NCAPD3: variants seen among roughly 807,000 people sequenced by gnomAD.
The protein encoded by NCAPD3 is non-SMC condensin II complex subunit D3.
A neutral mutation model predicts 182.9 loss-of-function variants in NCAPD3; 105 were observed. That is an observed-to-expected ratio of 0.57 (90% confidence interval 0.49 to 0.68). NCAPD3 has a LOEUF of 0.68. NCAPD3 is among the 30% of genes least tolerant of loss of function. NCAPD3 has a pLI of 0.00. For synonymous variants in NCAPD3, 815 were observed against 679.9 expected (o/e 1.20, Z -3.09); for missense variants, 1,944 against 1,837.0 (o/e 1.06, Z -1.07).
At chr11:134,164,759 CAT>C (rs1418385307) in intron 27 of NCAPD3, among the ~76,000 whole-genome samples, 6 of 148,594 alleles carry the variant, frequency 4.0e-5, no homozygotes, top group South Asian at 2.2e-4. Context: ...TCACTTGTGA[CAT>C]GAGCTTGGGG....
intron 28 of NCAPD3, among the ~76,000 whole-genome samples, chr11:134,161,282 G>C (rs533745357): frequency 6.6e-6 from 1 of 152,168 alleles, no homozygotes; most frequent in Non-Finnish European, 1.5e-5. Context: ...CACATCCTGG[G>C]TTTGCTCCGA....
At chr11:134,154,670 C>G (rs1268695975) in intron 32 of NCAPD3, among the ~76,000 whole-genome samples, 2 of 152,084 alleles carry the variant, frequency 1.3e-5, no homozygotes, top group Non-Finnish European at 2.9e-5. Flanking sequence ...CCAGCACACT[C>G]CCGGGAACAG....
At chr11:134,165,888 T>C (rs1943771693) in intron 27 of NCAPD3, among the ~76,000 whole-genome samples, 1 of 114,870 alleles carries the variant, frequency 8.7e-6, no homozygotes, top group African/African-American at 3.5e-5. Flanking sequence ...TGAGATGAGC[T>C]TGGGGGAGGG....
At chr11:134,155,280 GAC>G (rs1943388937) in intron 32 of NCAPD3, among the ~76,000 whole-genome samples, 1 of 152,128 alleles carries the variant, frequency 6.6e-6, no homozygotes. Context: ...GACACTTCCT[GAC>G]AGTCTCCCCC....
chr11:134,159,835 T>A (rs1943527487), intron 29 of NCAPD3, 57 bp downstream of exon 29: 3 of 1,536,284 alleles, frequency 2.0e-6, no homozygotes, highest in South Asian at 2.4e-5. Context: ...AACGACAGAC[T>A]GGTAGCAGAC....
rs563574567 is a variant in NCAPD3, at chr11:134,150,347, A to T, written c.*2597T>A. 1 of 152,108 alleles carries T rather than the reference A, an allele frequency of 6.6e-6. No individual in the cohort carries two copies. The highest frequency in any genetic ancestry group is 1.9e-4 in the East Asian group (1 of 5,202). The allele number at this position is 152,108 out of a possible 1,614,324, so 9.4% of individuals were successfully genotyped here. ...CAGTCTGTACCCAGAGGCCACCCAG[A>T]AGCCCTCAGATGTACATACACAGAT... On this transcript the variant is annotated 3_prime_UTR_variant, in exon 35 of 35. Transcript: ENST00000534548.
intron 29 of NCAPD3, among the ~76,000 whole-genome samples, chr11:134,159,255 G>T (rs746933049): frequency 2.0e-5 from 3 of 152,180 alleles, no homozygotes; most frequent in Non-Finnish European, 4.4e-5. Flanking sequence ...CATAGTGGCT[G>T]TTCTACTTTC....
rs1944759916 is a variant in NCAPD3, at chr11:134,202,023, G to A, written c.1615+793C>T. Among the ~76,000 whole-genome samples the A allele has an allele frequency of 3.9e-5, 6 of 152,158 alleles. No individual in the cohort carries two copies. In the South Asian group the frequency reaches 1.0e-3, roughly 26 times the overall value. On this transcript the variant is annotated intron_variant, in intron 13 of 34. Transcript: ENST00000534548. ...CATGTGTGCACAATTGTATATATGA[G>A]AACACTTGTGTGCACAAGCACCTGT... is the stretch of plus-strand genomic sequence containing the variant.
rs1303399420 is a variant in NCAPD3, at chr11:134,177,502, T to G, written c.2783-45A>C. ...GATGTCTCAACTGTATTCTAAATCCTAATTCCATTCCTAAATTTTCTCCAG... is the reference window on the plus strand; with the variant it reads ...GATGTCTCAACTGTATTCTAAATCCGAATTCCATTCCTAAATTTTCTCCAG... On this transcript the variant is annotated intron_variant, in intron 22 of 34. Coordinates refer to ENST00000534548, the MANE Select transcript of NCAPD3 (RefSeq NM_015261.3). The G allele has an allele frequency of 7.1e-6, 11 of 1,540,198 alleles. No homozygotes were observed. The African/African-American group carries it at 1.2e-4, about 17-fold the overall frequency.
intron 27 of NCAPD3, among the ~76,000 whole-genome samples, chr11:134,163,452 C>T (rs1943651226): frequency 6.6e-6 from 1 of 152,074 alleles, no homozygotes; most frequent in South Asian, 2.1e-4. Context: ...GTAATCCCAG[C>T]ACTTTGGAAG....
chr11:134,153,455 A>C, intron 32 of NCAPD3, 92 bp from the exon 33 acceptor site: 1 of 1,328,336 alleles, frequency 7.5e-7, no homozygotes, highest in Non-Finnish European at 1.1e-6. Context: ...CAGGGTGTCC[A>C]CATCAGTGTC....
intron 2 of NCAPD3, among the ~76,000 whole-genome samples, chr11:134,220,357 G>A (rs1938180963): frequency 6.6e-6 from 1 of 151,118 alleles, no homozygotes; most frequent in Non-Finnish European, 1.5e-5. Context: ...GTAAAAAACA[G>A]TCGTGTCTTA....
At chr11:134,180,386 T>C (rs1175580886) in intron 20 of NCAPD3, among the ~76,000 whole-genome samples, 2 of 152,166 alleles carry the variant, frequency 1.3e-5, no homozygotes, top group East Asian at 3.9e-4. Context: ...TAATGATCTG[T>C]GCTGAATGGC....
chr11:134,206,694 T>C lies in NCAPD3; in HGVS notation c.921A>G (p.Ile307Met), dbSNP rs75166696. 627 of 1,612,000 alleles carry C rather than the reference T, an allele frequency of 3.9e-4. 6 individuals are homozygous for C. In the East Asian group the frequency reaches 0.013, roughly 33 times the overall value. ...ATCCTTCACCAACTTCTAACATTAA[T>C]ATTACACTGAGCATTTGATGGAAAA... ...SCVFHQMLSV[I>M]LMLEVGEGSH... The change falls in exon 8 of 35, where the codon ATA becomes ATG. Residue 307 changes from isoleucine to methionine, a missense_variant. Transcript: ENST00000534548.
intron 27 of NCAPD3, among the ~76,000 whole-genome samples, chr11:134,163,677 G>A (rs1943660431): frequency 6.8e-6 from 1 of 147,076 alleles, no homozygotes; most frequent in South Asian, 2.2e-4. Context: ...CTCCAGCCTG[G>A]GCAACAGTGT....
chr11:134,167,553 G>T (rs1293590091), intron 27 of NCAPD3, among the ~76,000 whole-genome samples: 2 of 143,142 alleles, frequency 1.4e-5, no homozygotes, highest in Admixed American at 1.4e-4. Flanking sequence ...ATGAGCTCGG[G>T]GGAGCTGCAC....
chr11:134,225,249 G>A, upstream of NCAPD3: 1 of 1,614,152 alleles, frequency 6.2e-7, no homozygotes, highest in Non-Finnish European at 8.5e-7. Context: ...CTTCTACGAC[G>A]GGGAGACGGT....
rs139987128 is a variant in NCAPD3, at chr11:134,185,458, T to C, written c.2114A>G (p.Asn705Ser). Reference protein sequence around the residue: ...KEKFSPTFINNVISHTGTEHS... With the variant: ...KEKFSPTFINSVISHTGTEHS... ...TTCCGTGCCAGTGTGAGATATTACATTGTTTATAAAAGTGGGTGAGAATTT... is the reference window on the plus strand; with the variant it reads ...TTCCGTGCCAGTGTGAGATATTACACTGTTTATAAAAGTGGGTGAGAATTT... The change falls in exon 17 of 35, where the codon AAT becomes AGT. Residue 705 changes from asparagine (N) to serine (S), a missense_variant. This residue lies in a region of NCAPD3 where 1,803 missense variants were observed against 1,674.6 expected (regional missense o/e 1.08). Transcript: ENST00000534548. The C allele has an allele frequency of 2.5e-6, 4 of 1,613,676 alleles. No individual in the cohort carries two copies. In the African/African-American group the frequency reaches 4.0e-5, roughly 16 times the overall value.
chr11:134,153,561 C>T (rs1377864730), intron 32 of NCAPD3, 198 bp from the exon 33 acceptor site: 2 of 617,732 alleles, frequency 3.2e-6, no homozygotes, highest in Admixed American at 5.3e-5. Context: ...CTCTCTGACC[C>T]CCTTCTCTGA....
Sources: gnomAD v4.1 joint callset for allele counts (sites outside exome capture counted in the v4.1 genomes callset) on GRCh38, gnomAD v4.1.1 for gene constraint, gnomAD v4.1.1 regional missense constraint, MANE v1.5 for transcripts, NCBI Gene and HGNC (gene_info 2026-07-23, HGNC 2026-07-21) for gene names.